CDH12: variants seen among roughly 807,000 people sequenced by gnomAD.
CDH12 encodes cadherin 12.
In CDH12, 41 loss-of-function variants were observed where a neutral mutation model predicts 74.1. The observed-to-expected ratio is 0.55, with a 90% CI of 0.43 to 0.72. The LOEUF (loss-of-function observed/expected upper bound fraction) is 0.72. Ranked by LOEUF, CDH12 falls within the 30% of genes least tolerant of loss-of-function variation. CDH12 has a pLI of 0.00. For missense variants in CDH12, 945 were observed against 977.2 expected (o/e 0.97, Z 0.44); for synonymous variants, 399 against 355.0 (o/e 1.12, Z -1.39).
chr5:22,168,731 TTTGAG>T (rs1242226628), intron 4 of CDH12, among the ~76,000 whole-genome samples: 1 of 151,106 alleles, frequency 6.6e-6, no homozygotes, highest in Admixed American at 6.6e-5. Context: ...CAAATACTGT[TTTGAG>T]TTATGTTGTA....
At chr5:22,022,120 A>T (rs1025683821) in intron 5 of CDH12, among the ~76,000 whole-genome samples, 1 of 152,180 alleles carries the variant, frequency 6.6e-6, no homozygotes, top group Non-Finnish European at 1.5e-5. Context: ...TACAGGCATG[A>T]GCCACTCAGC....
chr5:22,845,210 A>G (rs1476935770), intron 1 of CDH12, among the ~76,000 whole-genome samples: 1 of 152,108 alleles, frequency 6.6e-6, no homozygotes, highest in Non-Finnish European at 1.5e-5. Flanking sequence ...TTATTCCCCT[A>G]ATCATTTTAA....
intron 6 of CDH12, among the ~76,000 whole-genome samples, chr5:21,927,538 C>T (rs1178739237): frequency 6.6e-6 from 1 of 151,896 alleles, no homozygotes; most frequent in East Asian, 1.9e-4. Context: ...TTGCAGTGAC[C>T]CAAGATTGTG....
intron 3 of CDH12, among the ~76,000 whole-genome samples, chr5:22,255,093 G>A (rs1015336275): frequency 4.6e-5 from 7 of 151,648 alleles, no homozygotes; most frequent in African/African-American, 1.7e-4. Context: ...ATCTTCATGA[G>A]TTCAATTTTT....
intron 6 of CDH12, among the ~76,000 whole-genome samples, chr5:21,888,575 G>T (rs12055235): frequency 7.6e-6 from 1 of 131,902 alleles, no homozygotes; most frequent in African/African-American, 2.7e-5. Context: ...ATGTACCCTA[G>T]AACTTAAAGT....
At chr5:22,764,953 G>T (rs1293246005) in intron 1 of CDH12, among the ~76,000 whole-genome samples, 3 of 151,956 alleles carry the variant, frequency 2.0e-5, no homozygotes, top group African/African-American at 7.2e-5. Flanking sequence ...AGCATATACT[G>T]TGTTTGCATA....
chr5:22,685,719 A>G (rs1012921001), intron 1 of CDH12, among the ~76,000 whole-genome samples: 4 of 152,212 alleles, frequency 2.6e-5, no homozygotes, highest in African/African-American at 9.7e-5. Flanking sequence ...ATGTCGTAAC[A>G]TGCATCATTC....
At chr5:22,728,362 A>G (rs1264060168) in intron 1 of CDH12, among the ~76,000 whole-genome samples, 2 of 151,904 alleles carry the variant, frequency 1.3e-5, no homozygotes, top group African/African-American at 4.8e-5. Flanking sequence ...TGATGATTCT[A>G]CTTACAAGGA....
chr5:22,099,494 T>C (rs1298643127), intron 4 of CDH12, among the ~76,000 whole-genome samples: 1 of 152,220 alleles, frequency 6.6e-6, no homozygotes, highest in Non-Finnish European at 1.5e-5. Flanking sequence ...TTTAAGCTCC[T>C]GTATGGACAC....
intron 1 of CDH12, among the ~76,000 whole-genome samples, chr5:22,819,464 A>G (rs1285023373): frequency 6.6e-6 from 1 of 152,130 alleles, no homozygotes. Context: ...AAAATCAACA[A>G]TTAAGAATTT....
chr5:22,668,159 T>C lies in CDH12; in HGVS notation c.-522-162795A>G, dbSNP rs189283400. On this transcript the variant is annotated intron_variant, in intron 1 of 14. Transcript: ENST00000382254. ...TCTAATTTATTTTATTATCAGCTTATACTTTTTATTATAGAAAAAGGAAAT... is the reference window on the plus strand; with the variant it reads ...TCTAATTTATTTTATTATCAGCTTACACTTTTTATTATAGAAAAAGGAAAT... Among the ~76,000 whole-genome samples the C allele has an allele frequency of 5.9e-5, 9 of 152,328 alleles. No homozygotes were observed. The East Asian group carries it at 1.2e-3, about 20-fold the overall frequency.
chr5:22,095,153 C>T (rs144689592), intron 4 of CDH12, among the ~76,000 whole-genome samples: 2,707 of 152,238 alleles, frequency 0.018, 39 homozygotes, highest in South Asian at 0.055. Flanking sequence ...GATCCACCTA[C>T]GACCTCAGGT....
chr5:22,144,583 G>A (rs1747035776), intron 4 of CDH12, among the ~76,000 whole-genome samples: 1 of 152,076 alleles, frequency 6.6e-6, no homozygotes, highest in Non-Finnish European at 1.5e-5. Context: ...AATGTGCAGT[G>A]TGTTTTATTC....
chr5:22,069,659 A>G (rs946021981), intron 5 of CDH12, among the ~76,000 whole-genome samples: 12 of 152,146 alleles, frequency 7.9e-5, no homozygotes, highest in Non-Finnish European at 1.5e-4. Context: ...TGAGTTCCTC[A>G]TTCCCCTAAA....
At chr5:22,280,425 A>G (rs1736826453) in intron 3 of CDH12, among the ~76,000 whole-genome samples, 1 of 152,192 alleles carries the variant, frequency 6.6e-6, no homozygotes, top group South Asian at 2.1e-4. Flanking sequence ...AAAATCAATG[A>G]ATCCAGGAGC....
At chr5:22,052,380 G>C (rs1020231552) in intron 5 of CDH12, among the ~76,000 whole-genome samples, 2 of 152,040 alleles carry the variant, frequency 1.3e-5, no homozygotes, top group African/African-American at 4.8e-5. Context: ...CTTTCAGCCA[G>C]TGTTTGTGAA....
intron 1 of CDH12, among the ~76,000 whole-genome samples, chr5:22,770,717 C>A (rs541237706): frequency 1.3e-5 from 2 of 152,142 alleles, no homozygotes; most frequent in East Asian, 3.9e-4. Context: ...GTTATTATCC[C>A]ATTTAACTAT....
At chr5:21,955,878 T>A (rs1756071847) in intron 6 of CDH12, among the ~76,000 whole-genome samples, 1 of 152,030 alleles carries the variant, frequency 6.6e-6, no homozygotes. Flanking sequence ...GAGAAGCAAA[T>A]CTGAATGCTT....
At chr5:22,290,151 T>C (rs991091927) in intron 3 of CDH12, among the ~76,000 whole-genome samples, 9 of 152,044 alleles carry the variant, frequency 5.9e-5, no homozygotes, top group Admixed American at 5.9e-4. Flanking sequence ...GCTTTCTCAG[T>C]CAAAGCCAGT....
Sources: gnomAD v4.1 joint callset for allele counts (sites outside exome capture counted in the v4.1 genomes callset) on GRCh38, gnomAD v4.1.1 for gene constraint, MANE v1.5 for transcripts, NCBI Gene and HGNC (gene_info 2026-07-23, HGNC 2026-07-21) for gene names.